PAPPA2: variants seen among roughly 807,000 people sequenced by gnomAD.
PAPPA2 encodes the protein pappalysin 2.
A neutral mutation model predicts 176.4 loss-of-function variants in PAPPA2; 86 were observed. That is an observed-to-expected ratio of 0.49 (90% CI 0.41 to 0.58). The LOEUF (loss-of-function observed/expected upper bound fraction) is 0.58, where lower values mean the gene tolerates loss of function less well. Ranked by LOEUF, PAPPA2 falls within the 20% of genes least tolerant of loss-of-function variation. PAPPA2 has a pLI of 0.00. For synonymous variants in PAPPA2, 809 were observed against 852.2 expected (o/e 0.95, Z 0.88); for missense variants, 2,073 against 2,256.9 (o/e 0.92, Z 1.65).
At chr1:176,609,715 G>C (rs1190387355) in intron 3 of PAPPA2, among the ~76,000 whole-genome samples, 1 of 152,134 alleles carries the variant, frequency 6.6e-6, no homozygotes, top group Non-Finnish European at 1.5e-5. Flanking sequence ...CCAGGGCTTG[G>C]GCAGCAGAGG....
intron 17 of PAPPA2, among the ~76,000 whole-genome samples, chr1:176,787,318 T>C (rs1418412363): frequency 6.6e-6 from 1 of 152,004 alleles, no homozygotes; most frequent in African/African-American, 2.4e-5. Flanking sequence ...CACTGCAGCC[T>C]CAACTTCCCA....
intron 3 of PAPPA2, among the ~76,000 whole-genome samples, chr1:176,625,870 A>C (rs1655978402): frequency 6.6e-6 from 1 of 152,062 alleles, no homozygotes; most frequent in Non-Finnish European, 1.5e-5. Flanking sequence ...AAAAATTTAA[A>C]AAATTATCCA....
At chr1:176,691,280 C>A in intron 5 of PAPPA2, 1 of 664,810 alleles carries the variant, frequency 1.5e-6, no homozygotes, top group Non-Finnish European at 1.9e-6. Flanking sequence ...TAGAACTATC[C>A]AAAAAAGAAT....
In PAPPA2 at chr1:176,844,931, C is replaced by G. The variant is rs982749341; in HGVS notation, c.*2477C>G. 2.6e-5 allele frequency: 4 copies of G among 152,166 alleles called. No homozygotes were observed. The highest frequency in any genetic ancestry group is 2.0e-4 in the Admixed American group (3 of 15,282). 9.4% of individuals were successfully genotyped at this position (152,166 alleles called of 1,614,324 possible). A position where few individuals can be genotyped will look rare whatever the true frequency, so the allele number is the denominator to read the frequency against. ...ATATTTTATTATCTGCAATTCACCA[C>G]TGCTCTGGGAAAGCAAAAGGAAAGT... On this transcript the variant is annotated 3_prime_UTR_variant, in exon 23 of 23. Coordinates refer to ENST00000367662, the MANE Select transcript of PAPPA2 (RefSeq NM_020318.3).
intron 1 of PAPPA2, among the ~76,000 whole-genome samples, chr1:176,538,858 C>A (rs1437130845): frequency 6.6e-6 from 1 of 152,200 alleles, no homozygotes; most frequent in Non-Finnish European, 1.5e-5. Context: ...CTGGTTCTGA[C>A]AGTCTTATAG....
At chr1:176,564,035 TTTTCAG>T (rs1262450485) in intron 2 of PAPPA2, among the ~76,000 whole-genome samples, 1 of 152,204 alleles carries the variant, frequency 6.6e-6, no homozygotes, top group African/African-American at 2.4e-5. Context: ...TCTCCCAGCC[TTTTCAG>T]GATCTGTTTA....
At chr1:176,614,138 C>T (rs752424885) in intron 3 of PAPPA2, among the ~76,000 whole-genome samples, 9 of 152,056 alleles carry the variant, frequency 5.9e-5, no homozygotes, top group East Asian at 5.8e-4. Context: ...AACCCAGAAG[C>T]GGGGCTGGGA....
chr1:176,483,288 G>T (rs948104038), intron 1 of PAPPA2, among the ~76,000 whole-genome samples: 10 of 151,974 alleles, frequency 6.6e-5, no homozygotes, highest in African/African-American at 9.7e-5. Flanking sequence ...ACAATACAAA[G>T]AATTGTTTTA....
chr1:176,663,376 CCTGCCAAGTCTGAAAGA>C (rs1455050549), intron 3 of PAPPA2, among the ~76,000 whole-genome samples: 1 of 152,116 alleles, frequency 6.6e-6, no homozygotes, highest in East Asian at 1.9e-4. Flanking sequence ...TGATTAGCCC[CCTGCCAAGTCTGAAAGA>C]TCACACTTGC....
intron 1 of PAPPA2, among the ~76,000 whole-genome samples, chr1:176,547,161 C>T (rs1162310112): frequency 6.6e-6 from 1 of 152,132 alleles, no homozygotes; most frequent in Non-Finnish European, 1.5e-5. Context: ...GATGTTAGCA[C>T]CTCTCTTTTG....
intron 3 of PAPPA2, among the ~76,000 whole-genome samples, chr1:176,635,426 A>T (rs1195060214): frequency 3.3e-5 from 5 of 152,192 alleles, no homozygotes; most frequent in African/African-American, 1.2e-4. Flanking sequence ...ACCCTCAAAC[A>T]TTCAGGGTAC....
chr1:176,594,924 C>A lies in PAPPA2; in HGVS notation c.1320C>A (p.His440Gln), dbSNP rs763446637. The A allele has an allele frequency of 6.2e-7, 1 of 1,614,094 alleles. No individual in the cohort carries two copies. Among genetic ancestry groups the A allele is most frequent in the African/African-American group, 1.3e-5 (1 of 74,932 alleles). Residue 440 changes from histidine (H) to glutamine (Q), a missense_variant, in exon 3 of 23, where the codon CAC becomes CAA. This residue lies in a region of PAPPA2 where 1,196 missense variants were observed against 1,330.4 expected (regional missense o/e 0.90). Transcript: ENST00000367662. ...STALPQSHFQ[H>Q]SSQHSSGEEE... ...CCCTGCCACAAAGCCATTTTCAGCA[C>A]AGTTCTCAGCATTCAAGTGGGGAGG...
intron 2 of PAPPA2, among the ~76,000 whole-genome samples, chr1:176,572,567 T>G (rs74827687): frequency 0.034 from 5,136 of 152,244 alleles, 151 homozygotes; most frequent in South Asian, 0.17. Flanking sequence ...ACCAACAAGT[T>G]GATTCTTAGA....
chr1:176,640,355 A>G (rs1657000765), intron 3 of PAPPA2, among the ~76,000 whole-genome samples: 1 of 74,234 alleles, frequency 1.3e-5, no homozygotes, highest in South Asian at 5.2e-4. Context: ...CCCCCACCCC[A>G]CAACAGTCCC....
intron 16 of PAPPA2, among the ~76,000 whole-genome samples, 187 bp from the exon 17 acceptor site, chr1:176,770,780 G>T (rs1345816713): frequency 6.6e-6 from 1 of 152,142 alleles, no homozygotes; most frequent in African/African-American, 2.4e-5. Flanking sequence ...GCATCACACT[G>T]GATGCTCTGT....
In PAPPA2 at chr1:176,840,256, A is replaced by G; in HGVS notation, c.5286A>G (p.Thr1762=). The stretch of plus-strand genomic sequence containing the variant: ...ACGGGGGAGACTGCTGCTCTTCCAC[A>G]CTCTCCTCCAAGAAGGTGAGTGAGA... ...HYDGGDCCSS[T]LSSKKVIPFA... The change falls in exon 22 of 23, where the codon ACA becomes ACG. Residue 1762 remains threonine (T), a synonymous_variant. Coordinates refer to ENST00000367662, the MANE Select transcript of PAPPA2 (RefSeq NM_020318.3). 1 of 1,612,080 alleles carries G rather than the reference A, an allele frequency of 6.2e-7. No homozygotes were observed. Among genetic ancestry groups the G allele is most frequent in the Non-Finnish European group, 8.5e-7 (1 of 1,178,756 alleles).
At chr1:176,763,477 A>G (rs1320880178) in intron 14 of PAPPA2, among the ~76,000 whole-genome samples, 3 of 152,210 alleles carry the variant, frequency 2.0e-5, no homozygotes. Flanking sequence ...TCATTATAAA[A>G]TTTAACAAAT....
In PAPPA2 at chr1:176,690,321, C is replaced by A; in HGVS notation, c.2322C>A (p.Thr774=). The part of the protein sequence containing the change: ...SMETGDLCAD[T]APTPKSELCR... ...AAACGGGAGACCTCTGTGCCGACACCGCCCCCACTCCCAAGAGTGAGCTGT... is the reference window on the plus strand; with the variant it reads ...AAACGGGAGACCTCTGTGCCGACACAGCCCCCACTCCCAAGAGTGAGCTGT... Residue 774 remains threonine (T), a synonymous_variant, in exon 5 of 23, where the codon ACC becomes ACA. Coordinates refer to ENST00000367662, the MANE Select transcript of PAPPA2 (RefSeq NM_020318.3). 1.9e-6 allele frequency: 3 copies of A among 1,614,014 alleles called. No homozygotes were observed. Among genetic ancestry groups the A allele is most frequent in the East Asian group, 2.2e-5 (1 of 44,892 alleles).
intron 3 of PAPPA2, among the ~76,000 whole-genome samples, chr1:176,663,734 G>T (rs1474520835): frequency 6.6e-6 from 1 of 152,118 alleles, no homozygotes; most frequent in African/African-American, 2.4e-5. Flanking sequence ...TTGAGTGGAG[G>T]AGGTGAGCCT....
Sources: gnomAD v4.1 joint callset for allele counts (sites outside exome capture counted in the v4.1 genomes callset) on GRCh38, gnomAD v4.1.1 for gene constraint, gnomAD v4.1.1 regional missense constraint, MANE v1.5 for transcripts, NCBI Gene and HGNC (gene_info 2026-07-23, HGNC 2026-07-21) for gene names.